Variants in C6 observed in about 807,000 individuals in gnomAD.
C6 encodes complement component C6.
C6 carries 101 observed loss-of-function variants against 112.9 expected under a neutral mutation model. The observed-to-expected ratio is 0.89, with a 90% CI of 0.76 to 1.06. The LOEUF (loss-of-function observed/expected upper bound fraction) is 1.06. C6 is among the 50% of genes least tolerant of loss of function. The pLI is 0.00. For synonymous variants in C6, 431 were observed against 384.1 expected, an observed-to-expected ratio of 1.12 and a Z score of -1.43; for missense variants, 1,202 against 1,104.6, an observed-to-expected ratio of 1.09 and a Z score of -1.25.
chr5:41,205,021 G>A (rs1177230579), intron 1 of C6, among the ~76,000 whole-genome samples: 1 of 152,118 alleles, frequency 6.6e-6, no homozygotes, highest in Non-Finnish European at 1.5e-5. Context: ...TTGACGTATG[G>A]CTGAATATGT....
At chr5:41,181,715 C>G (rs962082646) in intron 6 of C6, among the ~76,000 whole-genome samples, 156 bp from the exon 7 acceptor site, 3 of 152,132 alleles carry the variant, frequency 2.0e-5, no homozygotes, top group African/African-American at 7.2e-5. Flanking sequence ...TTATTTCCTG[C>G]ACTGAGGGGT....
At chr5:41,248,897 A>C (rs1207931879) in intron 1 of C6, among the ~76,000 whole-genome samples, 1 of 152,216 alleles carries the variant, frequency 6.6e-6, no homozygotes, top group African/African-American at 2.4e-5. Flanking sequence ...TGTTCACAAT[A>C]GCAAAGATAT....
At chr5:41,167,194 CT>C (rs947377125) in intron 9 of C6, among the ~76,000 whole-genome samples, 3 of 151,946 alleles carry the variant, frequency 2.0e-5, no homozygotes, top group Non-Finnish European at 4.4e-5. Flanking sequence ...CTCAAGTATA[CT>C]TTTATAAATC....
At chr5:41,234,296 T>C (rs1285328765) in intron 1 of C6, among the ~76,000 whole-genome samples, 5 of 151,792 alleles carry the variant, frequency 3.3e-5, no homozygotes, top group African/African-American at 9.7e-5. Context: ...GGGAAAATCC[T>C]AGAATATTCC....
chr5:41,155,503 T>C (rs1746812165), intron 13 of C6, among the ~76,000 whole-genome samples: 1 of 151,994 alleles, frequency 6.6e-6, no homozygotes, highest in Non-Finnish European at 1.5e-5. Flanking sequence ...GCTGGGGCAA[T>C]ATGGCAAAAC....
chr5:41,157,552 A>G (rs1213982152), intron 13 of C6, among the ~76,000 whole-genome samples: 1 of 152,230 alleles, frequency 6.6e-6, no homozygotes, highest in Non-Finnish European at 1.5e-5. Flanking sequence ...GTGTTCCAAT[A>G]AAAATAAGAC....
chr5:41,202,211 A>G lies in C6; in HGVS notation c.144-497T>C, dbSNP rs115719505. ...ATAATTCACGTGAATTCTCCAGGTAACAGAGGGAAGGGAATTTGGAGGAAG... is the reference window on the plus strand; with the variant it reads ...ATAATTCACGTGAATTCTCCAGGTAGCAGAGGGAAGGGAATTTGGAGGAAG... On this transcript the variant is annotated intron_variant, in intron 2 of 17. Coordinates refer to ENST00000337836, the MANE Select transcript of C6 (RefSeq NM_000065.5). Among the ~76,000 whole-genome samples, 1,441 of 152,280 alleles carry G rather than the reference A, an allele frequency of 9.5e-3. 30 individuals carry two copies. Among genetic ancestry groups the G allele is most frequent in the African/African-American group, 0.032 (1,324 of 41,538 alleles).
At position 41,159,015 on chromosome 5, in the gene C6, T is replaced by C. The variant is rs932361487; in HGVS notation, c.1856+67A>G. 35 of 1,528,940 alleles carry C rather than the reference T, an allele frequency of 2.3e-5. No homozygotes were observed. In the African/African-American group the frequency reaches 4.5e-4, roughly 20 times the overall value. The allele number at this position is 1,528,940 out of a possible 1,614,324, so 94.7% of individuals were successfully genotyped here. On this transcript the variant is annotated intron_variant, in intron 12 of 17. Transcript: ENST00000337836. ...TTACTTAGCAGTAGACTAATAACCA[T>C]TTGAACTCTCAATGTTATTGAGAGT...
intron 15 of C6, chr5:41,152,939 C>T: frequency 6.6e-6 from 1 of 152,382 alleles, no homozygotes; most frequent in Non-Finnish European, 1.5e-5. Context: ...TGGGACTCAG[C>T]TGCCCACACC....
At chr5:41,176,347 A>T in intron 8 of C6, 128 bp downstream of exon 8, 7 of 947,228 alleles carry the variant, frequency 7.4e-6, no homozygotes, top group South Asian at 1.8e-5. Context: ...ATCATTCTTC[A>T]TATCATTTTG....
At chr5:41,192,261 C>T (rs1414316558) in intron 5 of C6, among the ~76,000 whole-genome samples, 2 of 152,104 alleles carry the variant, frequency 1.3e-5, no homozygotes, top group Non-Finnish European at 2.9e-5. Context: ...TAGTAGATAT[C>T]TGGGATGTAC....
intron 8 of C6, among the ~76,000 whole-genome samples, chr5:41,175,144 T>C (rs980751373): frequency 1.3e-5 from 2 of 152,186 alleles, no homozygotes; most frequent in Admixed American, 6.5e-5. Context: ...TGACTGAGCA[T>C]GCAGCTTTGG....
Position 41,161,680 on chromosome 5 carries a change from T to C in C6, c.1458+13A>G. 1 of 1,610,852 alleles carries C rather than the reference T, an allele frequency of 6.2e-7. No individual in the cohort carries two copies. Among genetic ancestry groups the C allele is most frequent in the South Asian group, 1.1e-5 (1 of 91,008 alleles). ...ACTTTAGATCTCTTACCTGGAATAATTTTTACTCTTACCTCAAAGTCAATC... is the reference window on the plus strand; with the variant it reads ...ACTTTAGATCTCTTACCTGGAATAACTTTTACTCTTACCTCAAAGTCAATC... On this transcript the variant is annotated intron_variant, in intron 10 of 17. Coordinates refer to ENST00000337836, the MANE Select transcript of C6 (RefSeq NM_000065.5).
intron 1 of C6, among the ~76,000 whole-genome samples, chr5:41,228,664 A>G (rs1443065605): frequency 6.6e-6 from 1 of 152,180 alleles, no homozygotes; most frequent in Non-Finnish European, 1.5e-5. Flanking sequence ...TTTATCATGA[A>G]AAGATGTTAA....
intron 17 of C6, among the ~76,000 whole-genome samples, chr5:41,143,309 G>C (rs1299178440): frequency 6.6e-6 from 1 of 152,080 alleles, no homozygotes; most frequent in Non-Finnish European, 1.5e-5. Context: ...GCCTATTTCT[G>C]GCACTTCCCC....
At chr5:41,192,064 T>C (rs1387957051) in intron 5 of C6, among the ~76,000 whole-genome samples, 1 of 152,122 alleles carries the variant, frequency 6.6e-6, no homozygotes, top group Non-Finnish European at 1.5e-5. Flanking sequence ...GCCTTTATTG[T>C]GTTAAGTTTC....
At chr5:41,166,235 T>A (rs578233552) in intron 9 of C6, among the ~76,000 whole-genome samples, 230 of 152,270 alleles carry the variant, frequency 1.5e-3, no homozygotes, top group Non-Finnish European at 2.9e-3. Flanking sequence ...GGATTAAGTC[T>A]AATTTTTTTA....
chr5:41,238,478 C>A (rs1373658887), intron 1 of C6, among the ~76,000 whole-genome samples: 2 of 152,118 alleles, frequency 1.3e-5, no homozygotes, highest in African/African-American at 4.8e-5. Context: ...CTTCTTTTAA[C>A]CCAGGCGAAG....
intron 1 of C6, among the ~76,000 whole-genome samples, chr5:41,219,554 A>T (rs559646246): frequency 1.3e-5 from 2 of 152,286 alleles, no homozygotes; most frequent in South Asian, 4.1e-4. Flanking sequence ...GGTTGTGGGA[A>T]ACTACTGAAA....
Sources: allele counts gnomAD v4.1 joint callset (sites outside exome capture counted in the v4.1 genomes callset), GRCh38; gene constraint gnomAD v4.1.1; transcripts MANE v1.5; gene names NCBI Gene and HGNC (gene_info 2026-07-23, HGNC 2026-07-21).